ARHGAP42: variants seen among roughly 807,000 people sequenced by gnomAD.
ARHGAP42 encodes the protein rho GTPase-activating protein 42.
ARHGAP42 carries 63 observed loss-of-function variants against 125.0 expected under a neutral mutation model. The ratio of observed to expected loss-of-function variants is 0.50; its 90% CI spans 0.41 to 0.62. The LOEUF (loss-of-function observed/expected upper bound fraction) is 0.62, where lower values mean the gene tolerates loss of function less well. Ranked by LOEUF, ARHGAP42 falls within the 20% of genes least tolerant of loss-of-function variation. The probability of loss-of-function intolerance (pLI) is 0.00; values close to 1 mark genes in which losing one functional copy is unlikely to be tolerated. For missense variants in ARHGAP42, 766 were observed against 1,024.2 expected (o/e 0.75, Z 3.44); for synonymous variants, 339 against 351.0 (o/e 0.97, Z 0.38).
intron 2 of ARHGAP42, among the ~76,000 whole-genome samples, chr11:100,793,534 C>T (rs1197659958): frequency 2.0e-5 from 3 of 152,088 alleles, no homozygotes; most frequent in South Asian, 2.1e-4. Flanking sequence ...TATTTCACAC[C>T]AGTTTGGCTA....
At chr11:100,798,431 A>C (rs188175550) in intron 3 of ARHGAP42, among the ~76,000 whole-genome samples, 2 of 152,220 alleles carry the variant, frequency 1.3e-5, no homozygotes, top group African/African-American at 4.8e-5. Flanking sequence ...ATCAGTTAAC[A>C]GTCATCAGCA....
intron 5 of ARHGAP42, among the ~76,000 whole-genome samples, chr11:100,916,132 C>T (rs1016742505): frequency 6.6e-6 from 1 of 152,130 alleles, no homozygotes; most frequent in African/African-American, 2.4e-5. Context: ...AACAAAATCC[C>T]AAGGCCGTCA....
chr11:100,938,318 G>A (rs11224531), intron 8 of ARHGAP42, among the ~76,000 whole-genome samples: 36 of 152,046 alleles, frequency 2.4e-4, no homozygotes, highest in Admixed American at 1.1e-3. Flanking sequence ...AGTGCTTCCC[G>A]CAGATCCTTC....
chr11:100,835,169 A>G (rs960508775), intron 3 of ARHGAP42, among the ~76,000 whole-genome samples: 2 of 152,046 alleles, frequency 1.3e-5, no homozygotes, highest in African/African-American at 2.4e-5. Context: ...AAAGGGATGG[A>G]ACTTAACTTA....
At chr11:100,892,241 A>G (rs1350400960) in intron 4 of ARHGAP42, among the ~76,000 whole-genome samples, 1 of 152,226 alleles carries the variant, frequency 6.6e-6, no homozygotes, top group Non-Finnish European at 1.5e-5. Flanking sequence ...GGGAGAAGGA[A>G]CAAGACCTTG....
At chr11:100,880,499 T>C (rs556954786) in intron 4 of ARHGAP42, among the ~76,000 whole-genome samples, 27 of 152,224 alleles carry the variant, frequency 1.8e-4, no homozygotes, top group African/African-American at 4.3e-4. Context: ...TACTCACTGA[T>C]TGATGGGCAT....
chr11:100,727,416 G>A (rs1287849598), intron 1 of ARHGAP42, among the ~76,000 whole-genome samples: 3 of 152,112 alleles, frequency 2.0e-5, no homozygotes, highest in Non-Finnish European at 2.9e-5. Flanking sequence ...AATTTTCTGG[G>A]TGATAGGAGC....
chr11:100,948,440 T>C lies in ARHGAP42; in HGVS notation c.1044-17T>C, dbSNP rs926765208. ...GTAGTAAATGTGTAAATATAGAAAA[T>C]ATTTGTTTTTAAATAGGCATGGGAT... On this transcript the variant is annotated splice_polypyrimidine_tract_variant and intron_variant, in intron 10 of 23. Coordinates refer to ENST00000298815, the MANE Select transcript of ARHGAP42 (RefSeq NM_152432.4). The C allele has an allele frequency of 2.0e-6, 3 of 1,507,342 alleles. No individual in the cohort carries two copies. In the African/African-American group the frequency reaches 4.2e-5, roughly 21 times the overall value. The allele number at this position is 1,507,342 out of a possible 1,614,324, so 93.4% of individuals were successfully genotyped here.
intron 3 of ARHGAP42, among the ~76,000 whole-genome samples, chr11:100,797,739 T>A (rs560581659): frequency 6.6e-6 from 1 of 152,338 alleles, no homozygotes; most frequent in Admixed American, 6.5e-5. Context: ...CTGCAGCCCA[T>A]GGATCAAGGA....
At chr11:100,808,824 A>G (rs901039920) in intron 3 of ARHGAP42, among the ~76,000 whole-genome samples, 1 of 152,236 alleles carries the variant, frequency 6.6e-6, no homozygotes, top group African/African-American at 2.4e-5. Flanking sequence ...TACTTGTTAT[A>G]ATAGTAATTA....
intron 22 of ARHGAP42, among the ~76,000 whole-genome samples, chr11:100,984,052 G>A (rs1175997536): frequency 6.6e-6 from 1 of 151,324 alleles, no homozygotes; most frequent in Non-Finnish European, 1.5e-5. Context: ...CGGAAGTCGA[G>A]ACTGCAGTGA....
chr11:100,897,668 T>C lies in ARHGAP42; in HGVS notation c.385-15784T>C, dbSNP rs185552211. 7.7e-3 allele frequency among the ~76,000 whole-genome samples: 1,176 copies of C among 152,324 alleles called. 18 individuals are homozygous for C. Among genetic ancestry groups the C allele is most frequent in the African/African-American group, 0.026 (1,095 of 41,570 alleles). On this transcript the variant is annotated intron_variant, in intron 4 of 23. Transcript: ENST00000298815. ...TCTGTAATTGGTGTATAGGAATGCT[T>C]GTGATTTTTGCACATTGATTATGTA...
At chr11:100,907,792 GT>G (rs1866784101) in intron 4 of ARHGAP42, among the ~76,000 whole-genome samples, 1 of 152,180 alleles carries the variant, frequency 6.6e-6, no homozygotes, top group African/African-American at 2.4e-5. Flanking sequence ...CTAATTAGGG[GT>G]GGTAGTTGGG....
intron 2 of ARHGAP42, among the ~76,000 whole-genome samples, chr11:100,784,614 G>T (rs1380941672): frequency 6.6e-6 from 1 of 151,960 alleles, no homozygotes; most frequent in Admixed American, 6.6e-5. Context: ...GGGCATCTGG[G>T]ATGGAAGAGA....
rs546313192 is a variant in ARHGAP42 at position 100,723,947 on chromosome 11, T to G, written c.154+36115T>G. 3.0e-3 allele frequency among the ~76,000 whole-genome samples: 462 copies of G among 152,284 alleles called. 2 individuals are homozygous for G. Among genetic ancestry groups the G allele is most frequent in the African/African-American group, 0.01 (436 of 41,576 alleles). On this transcript the variant is annotated intron_variant, in intron 1 of 23. Coordinates refer to ENST00000298815, the MANE Select transcript of ARHGAP42 (RefSeq NM_152432.4). ...CTTCCTGTCAATCTTCCTAATTTGC[T>G]GAGAGTTTTTATTATGAATTGGTGT...
intron 4 of ARHGAP42, among the ~76,000 whole-genome samples, chr11:100,873,884 T>C (rs1391559038): frequency 6.6e-6 from 1 of 152,204 alleles, no homozygotes; most frequent in Non-Finnish European, 1.5e-5. Context: ...ACTATATTCA[T>C]GAGGGCAGTC....
At chr11:100,901,916 G>A (rs960224320) in intron 4 of ARHGAP42, among the ~76,000 whole-genome samples, 4 of 152,144 alleles carry the variant, frequency 2.6e-5, no homozygotes, top group East Asian at 1.9e-4. Context: ...CTCTGTGGGC[G>A]GCACCCACCA....
At chr11:100,868,230 C>T (rs886968097) in intron 4 of ARHGAP42, among the ~76,000 whole-genome samples, 4 of 152,096 alleles carry the variant, frequency 2.6e-5, no homozygotes, top group African/African-American at 9.7e-5. Context: ...TAAAAAAATG[C>T]AATATCTAAT....
rs149126420 is a variant in ARHGAP42, at chr11:100,976,450, G to A, written c.2236+13G>A. The A allele has an allele frequency of 2.1e-5, 32 of 1,504,028 alleles. No individual in the cohort carries two copies. The African/African-American group carries it at 4.1e-4, about 19-fold the overall frequency. The allele number at this position is 1,504,028 out of a possible 1,614,324, so 93.2% of individuals were successfully genotyped here. Reference sequence around the variant, plus strand: ...TCTGCAGCTGAAGGTAAGGCAGAGTGGAACTTGTGCAAGATGTCATTGTCT... The same window carrying A: ...TCTGCAGCTGAAGGTAAGGCAGAGTAGAACTTGTGCAAGATGTCATTGTCT... On this transcript the variant is annotated intron_variant, in intron 20 of 23. Coordinates refer to ENST00000298815, the MANE Select transcript of ARHGAP42 (RefSeq NM_152432.4).
Sources: gnomAD v4.1 joint callset for allele counts (sites outside exome capture counted in the v4.1 genomes callset) on GRCh38, gnomAD v4.1.1 for gene constraint, MANE v1.5 for transcripts, NCBI Gene and HGNC (gene_info 2026-07-23, HGNC 2026-07-21) for gene names.